Variants in CLCA2 observed in about 807,000 individuals in gnomAD.
The protein encoded by CLCA2 is calcium-activated chloride channel regulator 2.
A neutral mutation model predicts 82.9 loss-of-function variants in CLCA2; 85 were observed. The observed-to-expected ratio is 1.03, with a 90% confidence interval of 0.86 to 1.23. The LOEUF (loss-of-function observed/expected upper bound fraction) is 1.23, where lower values mean the gene tolerates loss of function less well. CLCA2 is among the 50% of genes most tolerant of loss of function. CLCA2 has a pLI of 0.00. For synonymous variants in CLCA2, 421 were observed against 391.7 expected (o/e 1.07, Z -0.88); for missense variants, 1,089 against 1,124.8 (o/e 0.97, Z 0.45).
At chr1:86,447,866 G>C in intron 11 of CLCA2, 88 bp downstream of exon 11, 2 of 1,352,582 alleles carry the variant, frequency 1.5e-6, no homozygotes, top group Non-Finnish European at 2.0e-6. Context: ...TTATCTGTAA[G>C]ATTCCTTGAG....
chr1:86,428,329 T>C, intron 2 of CLCA2, 89 bp from the exon 3 acceptor site: 4 of 1,242,530 alleles, frequency 3.2e-6, no homozygotes, highest in Non-Finnish European at 4.4e-6. Flanking sequence ...ATCTTAAGTG[T>C]ACAGTTCAAA....
At chr1:86,424,567 A>G (rs1316310177) in intron 1 of CLCA2, 134 bp downstream of exon 1, 6 of 685,592 alleles carry the variant, frequency 8.8e-6, no homozygotes, top group Non-Finnish European at 1.4e-5. Flanking sequence ...TAGCGCCACA[A>G]CGTTATGATT....
At chr1:86,439,937 G>C (rs1171835563) in intron 7 of CLCA2, among the ~76,000 whole-genome samples, 1 of 152,120 alleles carries the variant, frequency 6.6e-6, no homozygotes, top group African/African-American at 2.4e-5. Context: ...GGGACACCTT[G>C]ATGATTCAAG....
intron 2 of CLCA2, among the ~76,000 whole-genome samples, chr1:86,426,421 T>C (rs1014467153): frequency 1.3e-5 from 2 of 152,164 alleles, no homozygotes; most frequent in African/African-American, 4.8e-5. Flanking sequence ...CTGTCAGAAA[T>C]TGAATGGTAT....
intron 10 of CLCA2, chr1:86,445,381 T>TTTTTTTTTTTTTTTTTTC (rs1296438401): frequency 7.2e-6 from 1 of 139,488 alleles, no homozygotes; most frequent in Non-Finnish European, 1.5e-5. Context: ...TTTTTTTTTT[T>TTTTTTTTTTTTTTTTTTC]AGCTTAGAAG....
At chr1:86,439,615 T>G (rs1223233584) in intron 7 of CLCA2, among the ~76,000 whole-genome samples, 2 of 152,176 alleles carry the variant, frequency 1.3e-5, no homozygotes, top group East Asian at 3.8e-4. Context: ...TCTGGGATGC[T>G]TATCTGATAG....
intron 2 of CLCA2, among the ~76,000 whole-genome samples, 160 bp downstream of exon 2, chr1:86,425,636 A>G (rs1438256955): frequency 6.6e-6 from 1 of 152,222 alleles, no homozygotes; most frequent in African/African-American, 2.4e-5. Flanking sequence ...AAAATATATG[A>G]GAATAAATGA....
chr1:86,435,339 G>C (rs1413430), intron 6 of CLCA2, among the ~76,000 whole-genome samples: 37,537 of 152,142 alleles, frequency 0.25, 4,919 homozygotes, highest in Admixed American at 0.3. Flanking sequence ...TATAATGATC[G>C]AAAATTCTTA....
At chr1:86,436,798 C>T (rs1340051498) in intron 6 of CLCA2, among the ~76,000 whole-genome samples, 2 of 152,152 alleles carry the variant, frequency 1.3e-5, no homozygotes, top group Admixed American at 6.5e-5. Context: ...ACCACAACCT[C>T]CAACTCCCAG....
chr1:86,424,500 C>G (rs999914056), intron 1 of CLCA2, 67 bp downstream of exon 1: 1 of 1,337,648 alleles, frequency 7.5e-7, no homozygotes, highest in African/African-American at 1.5e-5. Context: ...TATTTAGAAG[C>G]TAACTACCCT....
At chr1:86,433,909 A>C (rs776322536) in intron 5 of CLCA2, among the ~76,000 whole-genome samples, 1 of 152,094 alleles carries the variant, frequency 6.6e-6, no homozygotes, top group Non-Finnish European at 1.5e-5. Context: ...TGCAAACCAT[A>C]TTTTTAAGTG....
chr1:86,440,176 A>T lies in CLCA2; in HGVS notation c.1232A>T (p.Tyr411Phe), dbSNP rs746250353. 45 of 1,613,926 alleles carry T rather than the reference A, an allele frequency of 2.8e-5. No homozygotes were observed. Among genetic ancestry groups the T allele is most frequent in the Non-Finnish European group, 3.7e-5 (44 of 1,179,978 alleles). The change falls in exon 8 of 14, where the codon TAT (tyrosine) becomes TTT (phenylalanine). Residue 411 changes from tyrosine (Y) to phenylalanine (F), a missense_variant. Physicochemically the swap from Tyr to Phe is conservative, Grantham distance 22. Coordinates refer to ENST00000370565, the MANE Select transcript of CLCA2 (RefSeq NM_006536.7). ...EVVEKLNGKA[Y>F]GSVMILVTSG... ...GTTGAAAAACTGAATGGAAAAGCTTATGGCTCTGTGATGATATTAGTGACC... is the reference window on the plus strand; with the variant it reads ...GTTGAAAAACTGAATGGAAAAGCTTTTGGCTCTGTGATGATATTAGTGACC...
chr1:86,440,408 T>C, intron 8 of CLCA2, 83 bp downstream of exon 8: 1 of 1,174,936 alleles, frequency 8.5e-7, no homozygotes, highest in Non-Finnish European at 1.2e-6. Flanking sequence ...ACTCATTATA[T>C]GGCTTAATTG....
Position 86,455,576 on chromosome 1 carries a change from C to A in CLCA2, c.*49C>A. 1.6e-6 allele frequency: 2 copies of A among 1,230,590 alleles called. No homozygotes were observed. Among genetic ancestry groups the A allele is most frequent in the Non-Finnish European group, 2.2e-6 (2 of 927,150 alleles). The allele number at this position is 1,230,590 out of a possible 1,614,324, so 76.2% of individuals were successfully genotyped here. ...TCTTAGATATAAGACCCATGGCCTT[C>A]GACTACAAAAACATACTAACAAAGT... On this transcript the variant is annotated 3_prime_UTR_variant, in exon 14 of 14. Transcript: ENST00000370565.
intron 12 of CLCA2, among the ~76,000 whole-genome samples, chr1:86,452,770 C>T (rs946969524): frequency 2.0e-5 from 3 of 152,154 alleles, no homozygotes; most frequent in African/African-American, 4.8e-5. Context: ...TTCCTTCTTA[C>T]ACTTATCATA....
chr1:86,449,041 A>G (rs1370434219), intron 11 of CLCA2, among the ~76,000 whole-genome samples: 1 of 152,266 alleles, frequency 6.6e-6, no homozygotes, highest in Non-Finnish European at 1.5e-5. Flanking sequence ...GCACTAAAAA[A>G]AGGAACAATA....
intron 2 of CLCA2, among the ~76,000 whole-genome samples, chr1:86,425,678 T>C (rs1336861225): frequency 6.6e-6 from 1 of 152,202 alleles, no homozygotes; most frequent in Non-Finnish European, 1.5e-5. Context: ...ATGAGTCAAA[T>C]GCCATAGCCT....
At position 86,428,487 on chromosome 1, in the gene CLCA2, T is replaced by TACA. The variant is rs1662431499; in HGVS notation, c.394_395insACA (p.Cys132delinsTyrSer). On this transcript the variant is annotated protein_altering_variant, in exon 3 of 14. Transcript: ENST00000370565. The stretch of plus-strand genomic sequence containing the variant: ...TCCATACACCCTACAATACAGAGGG[T>TACA]GTGGAAAAGAGGGAAAATACATTCA... 1 of 1,613,658 alleles carries TACA rather than the reference T, an allele frequency of 6.2e-7. No individual in the cohort carries two copies. Among genetic ancestry groups the TACA allele is most frequent in the African/African-American group, 1.3e-5 (1 of 74,874 alleles).
At chr1:86,440,622 C>T (rs552122102) in intron 8 of CLCA2, among the ~76,000 whole-genome samples, 5 of 152,108 alleles carry the variant, frequency 3.3e-5, no homozygotes, top group Middle Eastern at 3.4e-3. Context: ...GCTTTGTGGG[C>T]GGGCGCGGTG....
Sources: allele counts gnomAD v4.1 joint callset (sites outside exome capture counted in the v4.1 genomes callset), GRCh38; gene constraint gnomAD v4.1.1; transcripts MANE v1.5; gene names NCBI Gene and HGNC (gene_info 2026-07-23, HGNC 2026-07-21).